The following COG5 variants were observed in gnomAD, a reference collection of about 807,000 sequenced individuals.
COG5 encodes the protein component of oligomeric golgi complex 5.
In COG5, 86 loss-of-function variants were observed where a neutral mutation model predicts 110.4. The ratio of observed to expected loss-of-function variants is 0.78; its 90% confidence interval spans 0.65 to 0.93. COG5 has a LOEUF of 0.93. Ranked by LOEUF, COG5 falls within the 40% of genes least tolerant of loss-of-function variation. The pLI, the probability that COG5 is intolerant of heterozygous loss-of-function variation, is 0.00. For missense variants in COG5, 1,077 were observed against 987.0 expected, an observed-to-expected ratio of 1.09 and a Z score of -1.22; for synonymous variants, 360 against 334.6, an observed-to-expected ratio of 1.08 and a Z score of -0.83.
intron 6 of COG5, among the ~76,000 whole-genome samples, chr7:107,432,300 T>C (rs191450860): frequency 7.9e-5 from 12 of 152,150 alleles, no homozygotes; most frequent in African/African-American, 2.4e-4. Flanking sequence ...TAAACTAAAG[T>C]TGAAAAAGTA....
intron 6 of COG5, among the ~76,000 whole-genome samples, chr7:107,441,554 A>G (rs1794709355): frequency 6.6e-6 from 1 of 152,214 alleles, no homozygotes; most frequent in Admixed American, 6.5e-5. Context: ...ATTTTAGTCA[A>G]ACTAGAAGAT....
At chr7:107,508,587 G>A (rs1424811149) in intron 6 of COG5, among the ~76,000 whole-genome samples, 1 of 152,242 alleles carries the variant, frequency 6.6e-6, no homozygotes, top group African/African-American at 2.4e-5. Context: ...GCCTCCTCAA[G>A]TGGGTCCGTG....
intron 6 of COG5, among the ~76,000 whole-genome samples, chr7:107,424,483 C>A (rs958131509): frequency 1.3e-4 from 19 of 148,702 alleles, no homozygotes; most frequent in Non-Finnish European, 2.7e-4. Context: ...AGGTTATTGA[C>A]ACCAATTATA....
intron 10 of COG5, among the ~76,000 whole-genome samples, chr7:107,331,613 T>G (rs1810254478): frequency 6.6e-6 from 1 of 151,982 alleles, no homozygotes; most frequent in African/African-American, 2.4e-5. Flanking sequence ...GCCAGAGTAG[T>G]AGAGTAAGAG....
At chr7:107,248,345 T>A in intron 17 of COG5, 51 bp downstream of exon 17, 1 of 1,144,174 alleles carries the variant, frequency 8.7e-7, no homozygotes, top group Non-Finnish European at 1.3e-6. Flanking sequence ...GAGGTGGGAA[T>A]ACAAAATAAA....
Position 107,523,459 on chromosome 7 carries a change from C to G in COG5, c.538+3778G>C, listed in dbSNP as rs138557210. Among the ~76,000 whole-genome samples, 83 of 152,118 alleles carry G rather than the reference C, an allele frequency of 5.5e-4. 1 individual carries two copies. The East Asian group carries it at 6.0e-3, about 11-fold the overall frequency. ...CCTATTAGAATGACTAAAATTAAGA[C>G]AGTGTAACATGTGTTGGCATGGTTG... On this transcript the variant is annotated intron_variant, in intron 6 of 21. Transcript: ENST00000297135.
intron 6 of COG5, among the ~76,000 whole-genome samples, chr7:107,428,684 C>T (rs904044442): frequency 1.3e-5 from 2 of 152,158 alleles, no homozygotes; most frequent in Non-Finnish European, 2.9e-5. Flanking sequence ...AACATCTTCT[C>T]TCTGTTATAT....
At chr7:107,396,633 C>A (rs1791034763) in intron 7 of COG5, among the ~76,000 whole-genome samples, 1 of 150,884 alleles carries the variant, frequency 6.6e-6, no homozygotes, top group African/African-American at 2.4e-5. Flanking sequence ...CACCGAGTGC[C>A]TAAAAAAATG....
chr7:107,477,625 T>C (rs1797070362), intron 6 of COG5, among the ~76,000 whole-genome samples: 1 of 151,834 alleles, frequency 6.6e-6, no homozygotes, highest in Admixed American at 6.6e-5. Context: ...GTGCATCAAC[T>C]GATTTACGAC....
Position 107,298,157 on chromosome 7 carries a change from T to C in COG5, c.1298A>G (p.Lys433Arg). 1 of 1,571,976 alleles carries C rather than the reference T, an allele frequency of 6.4e-7. No individual in the cohort carries two copies. The highest frequency in any genetic ancestry group is 1.2e-5 in the South Asian group (1 of 81,218). ...EDDAQDIFIPKKPDYDPEKAL... is the reference protein window; with the variant it reads ...EDDAQDIFIPRKPDYDPEKAL... ...ACAAACATACTCATAATCTGGCTTT[T>C]TTGGTATGAATATATCTTGTGCATC... Residue 433 changes from lysine (K) to arginine (R), a missense_variant, in exon 12 of 22, where the codon AAA becomes AGA. By Grantham distance (26) the Lys-to-Arg change is conservative. Transcript: ENST00000297135.
intron 6 of COG5, among the ~76,000 whole-genome samples, chr7:107,498,596 A>C (rs1268321821): frequency 1.3e-5 from 2 of 152,164 alleles, no homozygotes; most frequent in Non-Finnish European, 2.9e-5. Flanking sequence ...ATCCGTTAGA[A>C]TGGTTATTAT....
intron 7 of COG5, among the ~76,000 whole-genome samples, chr7:107,381,462 T>C (rs1453586055): frequency 1.3e-5 from 2 of 152,236 alleles, no homozygotes; most frequent in Admixed American, 1.3e-4. Context: ...TATATGCTAC[T>C]AATCATAATT....
At chr7:107,232,529 G>A (rs1201556176) in intron 18 of COG5, among the ~76,000 whole-genome samples, 2 of 152,126 alleles carry the variant, frequency 1.3e-5, no homozygotes, top group African/African-American at 4.8e-5. Flanking sequence ...CACTTGAGCA[G>A]GACCAAATGT....
intron 6 of COG5, among the ~76,000 whole-genome samples, chr7:107,480,122 C>CTT (rs1425231426): frequency 6.6e-6 from 1 of 151,958 alleles, no homozygotes; most frequent in African/African-American, 2.4e-5. Context: ...TTTTTCTGTC[C>CTT]ATTTAAGTGG....
chr7:107,250,551 G>A (rs77878465), intron 16 of COG5, among the ~76,000 whole-genome samples: 29,746 of 151,898 alleles, frequency 0.2, 3,034 homozygotes, highest in Non-Finnish European at 0.22. Context: ...TCAATTCTCA[G>A]GGGAAAAGAC....
chr7:107,502,555 T>C (rs545353677), intron 6 of COG5, among the ~76,000 whole-genome samples: 2 of 152,258 alleles, frequency 1.3e-5, no homozygotes, highest in South Asian at 4.1e-4. Flanking sequence ...GATTGCTGGA[T>C]TGAATGGTAG....
At chr7:107,341,703 A>G (rs1388717429) in intron 10 of COG5, among the ~76,000 whole-genome samples, 2 of 152,128 alleles carry the variant, frequency 1.3e-5, no homozygotes, top group Non-Finnish European at 2.9e-5. Flanking sequence ...AGAATGGAGA[A>G]CTCAGATATA....
chr7:107,234,871 T>C (rs1282937887), intron 18 of COG5, among the ~76,000 whole-genome samples: 1 of 151,780 alleles, frequency 6.6e-6, no homozygotes, highest in Non-Finnish European at 1.5e-5. Context: ...AATAAGACAC[T>C]ATTTACAAAT....
At chr7:107,388,320 G>A (rs1156297733) in intron 7 of COG5, among the ~76,000 whole-genome samples, 3 of 152,154 alleles carry the variant, frequency 2.0e-5, no homozygotes, top group African/African-American at 7.2e-5. Context: ...GCTTTGCCTA[G>A]AGAATCAACC....
Sources: allele counts gnomAD v4.1 joint callset (sites outside exome capture counted in the v4.1 genomes callset), GRCh38; gene constraint gnomAD v4.1.1; transcripts MANE v1.5; gene names NCBI Gene and HGNC (gene_info 2026-07-23, HGNC 2026-07-21).